CNOT7: variants seen among roughly 807,000 people sequenced by gnomAD.
CNOT7 encodes the protein BTG1-binding factor 1.
CNOT7 carries 4 observed loss-of-function variants against 37.1 expected under a neutral mutation model. That is an observed-to-expected ratio of 0.11 (90% CI 0.05 to 0.25). The LOEUF is 0.25. Among genes scored for constraint, CNOT7 ranks in the 10% least tolerant of loss-of-function variants. The pLI is 1.00. For synonymous variants in CNOT7, 128 were observed against 115.6 expected, an observed-to-expected ratio of 1.11 and a Z score of -0.69; for missense variants, 170 against 336.2, an observed-to-expected ratio of 0.51 and a Z score of 3.87.
intron 4 of CNOT7, 96 bp downstream of exon 4, chr8:17,237,116 G>A: frequency 8.1e-7 from 1 of 1,236,496 alleles, no homozygotes; most frequent in Non-Finnish European, 1.2e-6. Flanking sequence ...ACTCTTTCCA[G>A]AATTAAACCT....
intron 4 of CNOT7, among the ~76,000 whole-genome samples, chr8:17,235,615 T>TCC (rs1055424475): frequency 1.3e-5 from 2 of 152,160 alleles, no homozygotes; most frequent in Non-Finnish European, 2.9e-5. Context: ...CTCCCTACAC[T>TCC]CCCAGGCCAC....
rs899794971 is a variant in CNOT7 at position 17,231,938 on chromosome 8, T to C, written c.729+489A>G. ...AATGCAGTAAAAGAGCCTGAGTTCT[T>C]CTCTATAAAATCTTCAAAGCACTGA... On this transcript the variant is annotated intron_variant, in intron 6 of 6. Transcript: ENST00000361272. 4 of 987,114 alleles carry C rather than the reference T, an allele frequency of 4.1e-6. No individual in the cohort carries two copies. In the African/African-American group the frequency reaches 5.2e-5, roughly 13 times the overall value. The allele number at this position is 987,114 out of a possible 1,614,324, so 61.1% of individuals were successfully genotyped here.
chr8:17,243,218 A>G (rs753777889), intron 2 of CNOT7, 33 bp from the exon 3 acceptor site: 5 of 1,496,844 alleles, frequency 3.3e-6, no homozygotes, highest in Non-Finnish European at 4.5e-6. Flanking sequence ...ATTATGTACT[A>G]AACAGTCAAA....
chr8:17,232,117 T>A, intron 6 of CNOT7: 1 of 1,043,888 alleles, frequency 9.6e-7, no homozygotes, highest in Non-Finnish European at 1.2e-6. Flanking sequence ...AGTAATGTGT[T>A]TAATCATGGA....
intron 1 of CNOT7, 31 bp from the exon 2 acceptor site, chr8:17,245,278 A>AGATTT: frequency 2.1e-6 from 2 of 949,608 alleles, no homozygotes; most frequent in Non-Finnish European, 2.9e-6. Flanking sequence ...TATGAAGACC[A>AGATTT]GATATATCAA....
chr8:17,241,837 T>C (rs1292533565), intron 3 of CNOT7: 1 of 152,190 alleles, frequency 6.6e-6, no homozygotes, highest in East Asian at 1.9e-4. Flanking sequence ...AACTTCTAGA[T>C]AAAGACCAAA....
At chr8:17,241,585 TTC>T (rs1465561088) in intron 3 of CNOT7, 1 of 152,182 alleles carries the variant, frequency 6.6e-6, no homozygotes, top group Admixed American at 6.5e-5. Flanking sequence ...TGCCTACAGT[TTC>T]TTTCACTATT....
At position 17,230,292 on chromosome 8, in the gene CNOT7, T is replaced by G. The variant is rs1014159013; in HGVS notation, c.*428A>C. On this transcript the variant is annotated 3_prime_UTR_variant, in exon 7 of 7. Transcript: ENST00000361272. ...TTAGAGTCAGAAACACTCTCTAAAG[T>G]GCAAAACTGATGGTCCACGATCTCA... 1 of 152,938 alleles carries G rather than the reference T, an allele frequency of 6.5e-6. No individual in the cohort carries two copies. The highest frequency in any genetic ancestry group is 2.4e-5 in the African/African-American group (1 of 41,424). The allele number at this position is 152,938 out of a possible 1,614,324, so 9.5% of individuals were successfully genotyped here. A position where few individuals can be genotyped will look rare whatever the true frequency, so the allele number is the denominator to read the frequency against.
chr8:17,243,021 A>C lies in CNOT7; in HGVS notation c.282T>G (p.Thr94=). 6.2e-7 allele frequency: 1 copy of C among 1,601,790 alleles called. No individual in the cohort carries two copies. Among genetic ancestry groups the C allele is most frequent in the Non-Finnish European group, 8.5e-7 (1 of 1,175,738 alleles). ...EQGEYPPGTS[T]WQFNFKFNLT... ...AATTAAATTTAAAATTAAACTGCCAAGTTGAAGTTCCTGGAGGGTATTCTC... is the reference window on the plus strand; with the variant it reads ...AATTAAATTTAAAATTAAACTGCCACGTTGAAGTTCCTGGAGGGTATTCTC... Residue 94 remains threonine (T), a synonymous_variant, in exon 3 of 7, where the codon ACT becomes ACG. Transcript: ENST00000361272.
chr8:17,232,885 A>G (rs1202849452), intron 5 of CNOT7, among the ~76,000 whole-genome samples: 1 of 152,212 alleles, frequency 6.6e-6, no homozygotes, highest in Non-Finnish European at 1.5e-5. Flanking sequence ...AGTAATAATT[A>G]TAAAACTGAA....
In CNOT7 at chr8:17,227,716, C is replaced by G. The variant is rs543263659; in HGVS notation, c.*3004G>C. On this transcript the variant is annotated 3_prime_UTR_variant, in exon 7 of 7. Coordinates refer to ENST00000361272, the MANE Select transcript of CNOT7 (RefSeq NM_013354.7). Reference sequence around the variant, plus strand: ...GTGATGTTAGTCTGATACTGTCAGTCTATTCTTTTACCAGTTATGGTGACA... The same window carrying G: ...GTGATGTTAGTCTGATACTGTCAGTGTATTCTTTTACCAGTTATGGTGACA... 6.6e-6 allele frequency: 1 copy of G among 151,988 alleles called. No individual in the cohort carries two copies. The highest frequency in any genetic ancestry group is 6.6e-5 in the Admixed American group (1 of 15,232). The allele number at this position is 151,988 out of a possible 1,614,324, so 9.4% of individuals were successfully genotyped here.
rs1453657960 is a variant in CNOT7, at chr8:17,228,178, C to T, written c.*2542G>A. The T allele has an allele frequency of 6.6e-6, 1 of 151,832 alleles. No homozygotes were observed. Among genetic ancestry groups the T allele is most frequent in the Non-Finnish European group, 1.5e-5 (1 of 67,844 alleles). 9.4% of individuals were successfully genotyped at this position (151,832 alleles called of 1,614,324 possible). On this transcript the variant is annotated 3_prime_UTR_variant, in exon 7 of 7. Transcript: ENST00000361272. ...AGCCATTTTCAGTTCATGGGCCACACAAAAACAGGCAGCAAGCTGATTCTG... is the reference window on the plus strand; with the variant it reads ...AGCCATTTTCAGTTCATGGGCCACATAAAAACAGGCAGCAAGCTGATTCTG...
chr8:17,231,844 G>A, intron 6 of CNOT7: 1 of 985,650 alleles, frequency 1.0e-6, no homozygotes, highest in Non-Finnish European at 1.2e-6. Flanking sequence ...TTCCTAATAT[G>A]GTTTCTGATG....
intron 6 of CNOT7, chr8:17,231,803 G>A: frequency 1.0e-6 from 1 of 985,834 alleles, no homozygotes; most frequent in Non-Finnish European, 1.2e-6. Context: ...TCAAGGAACT[G>A]ATCTCTGCCT....
At chr8:17,232,614 C>G in intron 5 of CNOT7, 77 bp from the exon 6 acceptor site, 1 of 1,260,900 alleles carries the variant, frequency 7.9e-7, no homozygotes, top group South Asian at 1.3e-5. Flanking sequence ...AACTTAGACG[C>G]TGACCAAAAT....
chr8:17,234,201 T>C (rs930414841), intron 5 of CNOT7, among the ~76,000 whole-genome samples: 2 of 152,248 alleles, frequency 1.3e-5, no homozygotes, highest in African/African-American at 4.8e-5. Flanking sequence ...AAAAATCTTT[T>C]AGCTATATAG....
intron 1 of CNOT7, chr8:17,246,410 T>C (rs1475975835): frequency 6.5e-6 from 1 of 153,008 alleles, no homozygotes; most frequent in Non-Finnish European, 1.5e-5. Context: ...GAGGTGAGGA[T>C]CTAGGCCACC....
At chr8:17,244,962 G>T in intron 2 of CNOT7, 74 bp downstream of exon 2, 1 of 1,214,492 alleles carries the variant, frequency 8.2e-7, no homozygotes, top group Non-Finnish European at 1.2e-6. Flanking sequence ...AACCAAAAGG[G>T]TTGAATTCAA....
At position 17,229,419 on chromosome 8, in the gene CNOT7, A is replaced by C. The variant is rs554521497; in HGVS notation, c.*1301T>G. 1.5e-4 allele frequency: 23 copies of C among 152,448 alleles called. No homozygotes were observed. The highest frequency in any genetic ancestry group is 2.5e-4 in the Non-Finnish European group (17 of 67,820). 9.4% of individuals were successfully genotyped at this position (152,448 alleles called of 1,614,324 possible). Reference sequence around the variant, plus strand: ...GGAGATTTGCTAATATTACTGATTGAAGTGTAGGTAACACACATTATAACT... The same window carrying C: ...GGAGATTTGCTAATATTACTGATTGCAGTGTAGGTAACACACATTATAACT... On this transcript the variant is annotated 3_prime_UTR_variant, in exon 7 of 7. Coordinates refer to ENST00000361272, the MANE Select transcript of CNOT7 (RefSeq NM_013354.7).
Sources: allele counts gnomAD v4.1 joint callset (sites outside exome capture counted in the v4.1 genomes callset), GRCh38; gene constraint gnomAD v4.1.1; transcripts MANE v1.5; gene names NCBI Gene and HGNC (gene_info 2026-07-23, HGNC 2026-07-21).